The following LRBA variants were observed in gnomAD, a reference collection of about 807,000 sequenced individuals.
LRBA encodes lipopolysaccharide-responsive and beige-like anchor protein.
A neutral mutation model predicts 330.0 loss-of-function variants in LRBA; 176 were observed. That is an observed-to-expected ratio of 0.53 (90% CI 0.47 to 0.60). The LOEUF is 0.60. Ranked by LOEUF, LRBA falls within the 20% of genes least tolerant of loss-of-function variation. The pLI is 0.00. For missense variants in LRBA, 3,259 were observed against 3,444.8 expected, an observed-to-expected ratio of 0.95 and a Z score of 1.35; for synonymous variants, 1,230 against 1,193.0, an observed-to-expected ratio of 1.03 and a Z score of -0.64.
chr4:150,880,122 T>C (rs1256155175), intron 17 of LRBA, among the ~76,000 whole-genome samples: 1 of 151,926 alleles, frequency 6.6e-6, no homozygotes, highest in East Asian at 1.9e-4. Flanking sequence ...TTTGACAAAG[T>C]AGAGAAAAAT....
intron 37 of LRBA, among the ~76,000 whole-genome samples, chr4:150,605,132 G>GTAGTTTCCAGAA (rs1209904273): frequency 1.3e-5 from 2 of 152,178 alleles, no homozygotes; most frequent in Admixed American, 1.3e-4. Flanking sequence ...TTAAAGCAGA[G>GTAGTTTCCAGAA]TAGTTTCCAG....
intron 37 of LRBA, among the ~76,000 whole-genome samples, chr4:150,616,554 GATTT>G (rs372575245): frequency 1.3e-5 from 2 of 152,088 alleles, no homozygotes; most frequent in Non-Finnish European, 2.9e-5. Flanking sequence ...TTGACTATTG[GATTT>G]ATTTATTTAT....
intron 28 of LRBA, 149 bp downstream of exon 28, chr4:150,843,951 A>G: frequency 1.9e-6 from 1 of 520,284 alleles, no homozygotes. Context: ...TTCTGTTTCT[A>G]AAATCATTGT....
intron 44 of LRBA, among the ~76,000 whole-genome samples, chr4:150,466,154 T>C (rs1755427887): frequency 6.6e-6 from 1 of 152,052 alleles, no homozygotes; most frequent in African/African-American, 2.4e-5. Context: ...TTGTTTGTCA[T>C]GAGGAAAATG....
At chr4:150,850,935 G>A in intron 23 of LRBA, 33 bp from the exon 24 acceptor site, 1 of 1,506,846 alleles carries the variant, frequency 6.6e-7, no homozygotes, top group Non-Finnish European at 9.1e-7. Flanking sequence ...AATAAAATAG[G>A]TTCAACTTCA....
chr4:150,467,637 A>T (rs766415236), intron 44 of LRBA, 36 bp downstream of exon 44: 1 of 1,261,686 alleles, frequency 7.9e-7, no homozygotes, highest in Non-Finnish European at 1.1e-6. Flanking sequence ...TTTATATGCA[A>T]GACAATTATA....
chr4:151,014,443 T>A lies in LRBA; in HGVS notation c.200A>T (p.Glu67Val), dbSNP rs1745203692. 2 of 1,613,910 alleles carry A rather than the reference T, an allele frequency of 1.2e-6. No individual in the cohort carries two copies. The highest frequency in any genetic ancestry group is 2.7e-5 in the African/African-American group (2 of 74,936). ...TGGACTTACCAGGTTAAAGACAGTT[T>A]CTACAATATCCCTATTGGATACTTC... ...VGEVSNRDIV[E>V]TVFNLLVGGQ... is the part of the protein sequence containing the mutation. Residue 67 changes from glutamate to valine, a missense_variant, in exon 2 of 57, where the codon GAA becomes GTA. Coordinates refer to ENST00000651943, the MANE Select transcript of LRBA (RefSeq NM_001364905.1).
At chr4:150,753,352 T>C (rs1733816534) in intron 35 of LRBA, among the ~76,000 whole-genome samples, 1 of 152,232 alleles carries the variant, frequency 6.6e-6, no homozygotes, top group Non-Finnish European at 1.5e-5. Flanking sequence ...CCAGTATGGA[T>C]TAATATTTGC....
At chr4:150,623,281 C>A (rs1015067701) in intron 37 of LRBA, among the ~76,000 whole-genome samples, 2 of 152,306 alleles carry the variant, frequency 1.3e-5, no homozygotes, top group African/African-American at 2.4e-5. Context: ...AGTGACTTCA[C>A]TTCTAGGTAT....
At chr4:150,295,338 G>T (rs1728847374) in intron 53 of LRBA, among the ~76,000 whole-genome samples, 2 of 151,938 alleles carry the variant, frequency 1.3e-5, no homozygotes, top group Admixed American at 1.3e-4. Flanking sequence ...GAGTAGCTGG[G>T]ACTACAGGCA....
intron 47 of LRBA, among the ~76,000 whole-genome samples, chr4:150,356,759 C>T (rs1481102250): frequency 6.6e-6 from 1 of 151,756 alleles, no homozygotes; most frequent in Non-Finnish European, 1.5e-5. Flanking sequence ...AACTAAAATC[C>T]ATGAATATGA....
chr4:150,733,860 T>C (rs560288178), intron 36 of LRBA, among the ~76,000 whole-genome samples: 1 of 152,246 alleles, frequency 6.6e-6, no homozygotes, highest in East Asian at 1.9e-4. Flanking sequence ...ATTCTCTTAT[T>C]AACTCTGGTA....
chr4:150,772,753 A>C (rs777652067), intron 34 of LRBA, among the ~76,000 whole-genome samples: 17 of 152,190 alleles, frequency 1.1e-4, no homozygotes, highest in Non-Finnish European at 1.5e-4. Flanking sequence ...TGACACTTGA[A>C]GCACCATTAG....
At chr4:150,606,492 T>TA (rs937434737) in intron 37 of LRBA, among the ~76,000 whole-genome samples, 1 of 152,116 alleles carries the variant, frequency 6.6e-6, no homozygotes, top group Non-Finnish European at 1.5e-5. Flanking sequence ...GGGCTCAACC[T>TA]ACACAGGACA....
intron 16 of LRBA, among the ~76,000 whole-genome samples, chr4:150,893,806 G>C (rs1729758017): frequency 6.6e-6 from 1 of 152,042 alleles, no homozygotes; most frequent in Admixed American, 6.5e-5. Context: ...TTCCCAAGTA[G>C]CTGGGACTAC....
At chr4:150,742,117 A>G (rs1486771651) in intron 35 of LRBA, among the ~76,000 whole-genome samples, 1 of 140,350 alleles carries the variant, frequency 7.1e-6, no homozygotes, top group Non-Finnish European at 1.5e-5. Context: ...CAGGGATAGA[A>G]TTATTATTAT....
chr4:150,743,560 G>A (rs557837071), intron 35 of LRBA, among the ~76,000 whole-genome samples: 1 of 152,202 alleles, frequency 6.6e-6, no homozygotes, highest in East Asian at 1.9e-4. Flanking sequence ...CTAGAACAGG[G>A]GTCAGCAAAT....
At chr4:150,662,584 G>A (rs1453722028) in intron 37 of LRBA, among the ~76,000 whole-genome samples, 1 of 152,220 alleles carries the variant, frequency 6.6e-6, no homozygotes, top group Non-Finnish European at 1.5e-5. Flanking sequence ...TTGCAAAGGT[G>A]AAGAAGTTTG....
intron 29 of LRBA, among the ~76,000 whole-genome samples, chr4:150,829,213 G>C (rs899786537): frequency 2.6e-5 from 4 of 152,096 alleles, no homozygotes; most frequent in African/African-American, 9.7e-5. Flanking sequence ...TAGGATTATA[G>C]GCATGCACCA....
Sources: gnomAD v4.1 joint callset for allele counts (sites outside exome capture counted in the v4.1 genomes callset) on GRCh38, gnomAD v4.1.1 for gene constraint, MANE v1.5 for transcripts, NCBI Gene and HGNC (gene_info 2026-07-23, HGNC 2026-07-21) for gene names.